The following SUMF2 variants were observed in gnomAD, a reference collection of about 807,000 sequenced individuals.
SUMF2 encodes the protein inactive C-alpha-formylglycine-generating enzyme 2.
Under a neutral mutation model 44.8 loss-of-function variants are expected in SUMF2, and 45 were observed. That is an observed-to-expected ratio of 1.00 (90% CI 0.79 to 1.29). The LOEUF (loss-of-function observed/expected upper bound fraction) is 1.29. SUMF2 is among the 50% of genes most tolerant of loss of function. The probability of loss-of-function intolerance (pLI) is 0.00; values close to 1 mark genes in which losing one functional copy is unlikely to be tolerated. For missense variants in SUMF2, 418 were observed against 389.9 expected (o/e 1.07, Z -0.61); for synonymous variants, 148 against 150.4 (o/e 0.98, Z 0.12).
At chr7:56,065,097 C>T (rs1048091267) in intron 1 of SUMF2, among the ~76,000 whole-genome samples, 2 of 143,152 alleles carry the variant, frequency 1.4e-5, no homozygotes, top group Non-Finnish European at 3.0e-5. Context: ...GAGGCTGAGG[C>T]AGGAGAATGG....
chr7:56,065,729 A>G (rs938959393), intron 1 of SUMF2, among the ~76,000 whole-genome samples: 1 of 152,136 alleles, frequency 6.6e-6, no homozygotes, highest in African/African-American at 2.4e-5. Context: ...CTGGGATTAC[A>G]GGCGTAAGCC....
downstream of SUMF2, among the ~76,000 whole-genome samples, chr7:56,083,957 C>T (rs769164315): frequency 1.2e-4 from 18 of 152,138 alleles, no homozygotes; most frequent in South Asian, 4.1e-4. Context: ...ATCAACCCTC[C>T]GAGGAATAGG....
chr7:56,067,231 C>G (rs542439389), intron 1 of SUMF2, among the ~76,000 whole-genome samples: 2 of 152,248 alleles, frequency 1.3e-5, no homozygotes, highest in African/African-American at 4.8e-5. Context: ...AAGAAAAGGA[C>G]TTGTGTAGAG....
intron 8 of SUMF2, chr7:56,079,025 T>C (rs1474035196): frequency 1.0e-5 from 6 of 584,174 alleles, no homozygotes; most frequent in East Asian, 2.9e-5. Context: ...GCTCCTCAAG[T>C]ATCTGGGACT....
chr7:56,073,257 C>T (rs1465988070), intron 3 of SUMF2, 146 bp downstream of exon 3: 11 of 713,138 alleles, frequency 1.5e-5, no homozygotes, highest in South Asian at 3.0e-5. Context: ...CACCATGGAG[C>T]GTCAGATCAG....
At position 56,080,035 on chromosome 7, in the gene SUMF2, G is replaced by T; in HGVS notation, c.*423G>T. On this transcript the variant is annotated 3_prime_UTR_variant, in exon 9 of 9. Transcript: ENST00000434526. ...CCTGGTTCTGTTTTCTCAGCCAGTT[G>T]CTGTGGAAGGAGAATGCTTTCTTTG... The T allele has an allele frequency of 1.5e-6, 1 of 689,502 alleles. No homozygotes were observed. The highest frequency in any genetic ancestry group is 2.4e-6 in the Non-Finnish European group (1 of 418,874). 42.7% of individuals were successfully genotyped at this position (689,502 alleles called of 1,614,324 possible).
intron 1 of SUMF2, among the ~76,000 whole-genome samples, chr7:56,065,889 C>A (rs901142806): frequency 3.3e-5 from 5 of 151,632 alleles, no homozygotes; most frequent in Non-Finnish European, 7.4e-5. Context: ...GAGCAGCCTG[C>A]CCAACATGGT....
At chr7:56,078,299 CCT>C in intron 7 of SUMF2, 63 bp from the exon 8 acceptor site, 1 of 1,560,616 alleles carries the variant, frequency 6.4e-7, no homozygotes, top group Admixed American at 1.8e-5. Flanking sequence ...GCCCCCAGGA[CCT>C]CAGAGGGTAG....
intron 6 of SUMF2, 107 bp from the exon 7 acceptor site, chr7:56,077,995 C>A: frequency 1.1e-6 from 1 of 932,864 alleles, no homozygotes; most frequent in East Asian, 2.5e-5. Flanking sequence ...GTGCCCTTCC[C>A]CTTCCCCAGA....
rs766854025 is a variant in SUMF2, at chr7:56,064,308, C to A, written c.-4C>A. The A allele has an allele frequency of 2.5e-6, 4 of 1,589,328 alleles. No homozygotes were observed. Among genetic ancestry groups the A allele is most frequent in the South Asian group, 1.1e-5 (1 of 87,776 alleles). ...GGTGTACGCGGCGCAGCGCGGCAGT[C>A]CTGATGGCCCGGCATGGGTTACCGC... On this transcript the variant is annotated 5_prime_UTR_variant, in exon 1 of 9. Transcript: ENST00000434526.
downstream of SUMF2, chr7:56,083,807 T>C: frequency 1.2e-6 from 1 of 851,688 alleles, no homozygotes; most frequent in Admixed American, 2.0e-5. Flanking sequence ...CCCTGATACC[T>C]CTAGAAGCTA....
chr7:56,078,239 A>G, intron 7 of SUMF2, 53 bp downstream of exon 7: 1 of 1,582,064 alleles, frequency 6.3e-7, no homozygotes, highest in Admixed American at 1.7e-5. Context: ...TGTTGGGACC[A>G]TCATGTCTGA....
At chr7:56,087,556 A>T in the SUMF2 span, 1 of 1,588,080 alleles carries the variant, frequency 6.3e-7, no homozygotes, top group Non-Finnish European at 8.6e-7. Context: ...GGGCAGAATC[A>T]CAGGGGGGCA....
At chr7:56,081,753 G>A (rs140155924), downstream of SUMF2, 8 of 1,613,082 alleles carry the variant, frequency 5.0e-6, no homozygotes, top group Non-Finnish European at 6.8e-6. The surrounding 1 kb of genome is among the most constrained non-coding windows in gnomAD (Gnocchi z 4.6). Flanking sequence ...GGAATCGGGA[G>A]ACCTGTGAGA....
At chr7:56,066,105 A>AT (rs1794774866) in intron 1 of SUMF2, among the ~76,000 whole-genome samples, 5 of 141,816 alleles carry the variant, frequency 3.5e-5, no homozygotes, top group Non-Finnish European at 6.2e-5. Context: ...AAAAAAAAAA[A>AT]TCAAAAACAA....
downstream of SUMF2, among the ~76,000 whole-genome samples, chr7:56,082,780 G>C (rs1796072802): frequency 6.6e-6 from 1 of 152,074 alleles, no homozygotes; most frequent in African/African-American, 2.4e-5. Context: ...TGGAACAAGG[G>C]TAATGGGAAC....
At position 56,073,102 on chromosome 7, in the gene SUMF2, G is replaced by A; in HGVS notation, c.330G>A (p.Gln110=). 1.2e-6 allele frequency: 2 copies of A among 1,613,892 alleles called. No individual in the cohort carries two copies. Among genetic ancestry groups the A allele is most frequent in the Non-Finnish European group, 1.7e-6 (2 of 1,179,790 alleles). Residue 110 remains glutamine (Q), a synonymous_variant, in exon 3 of 9, where the codon CAG becomes CAA. Transcript: ENST00000434526. ...ATGAGCTGAGAAACAAAGCCACCCA[G>A]CCAATGAAGGTGAGAGAACCTGGTC... ...VSDELRNKAT[Q]PMKSVLWWLP...
At chr7:56,080,880 C>T (rs1795938769), downstream of SUMF2, 10 of 737,742 alleles carry the variant, frequency 1.4e-5, 1 homozygote, top group South Asian at 1.9e-4. Flanking sequence ...TGGGAACACC[C>T]ACTTCCCTTG....
At chr7:56,082,274 A>G (rs1796041057), downstream of SUMF2, 1 of 1,592,780 alleles carries the variant, frequency 6.3e-7, no homozygotes, top group Non-Finnish European at 8.6e-7. Flanking sequence ...AGTCATCATC[A>G]GGGCAGGTCA....
Sources: gnomAD v4.1 joint callset for allele counts (sites outside exome capture counted in the v4.1 genomes callset) on GRCh38, gnomAD v4.1.1 for gene constraint, Gnocchi (gnomAD v3.1) non-coding constraint, MANE v1.5 for transcripts, NCBI Gene and HGNC (gene_info 2026-07-23, HGNC 2026-07-21) for gene names.